The following HELZ variants were observed in gnomAD, a reference collection of about 807,000 sequenced individuals.
HELZ encodes the protein ATP-dependent RNA helicase with zinc finger domain.
HELZ carries 23 observed loss-of-function variants against 218.2 expected under a neutral mutation model. The observed-to-expected ratio is 0.11, with a 90% confidence interval of 0.08 to 0.15. The LOEUF is 0.15. HELZ is among the 10% of genes least tolerant of loss of function. The probability of loss-of-function intolerance (pLI) is 1.00; values close to 1 mark genes in which losing one functional copy is unlikely to be tolerated. For missense variants in HELZ, 1,813 were observed against 2,353.7 expected, an observed-to-expected ratio of 0.77 and a Z score of 4.75; for synonymous variants, 814 against 829.4, an observed-to-expected ratio of 0.98 and a Z score of 0.32.
intron 24 of HELZ, 94 bp from the exon 25 acceptor site, chr17:67,124,108 C>T (rs908399611): frequency 3.5e-5 from 27 of 776,552 alleles, no homozygotes; most frequent in Middle Eastern, 3.7e-4. Context: ...TTAATGTACA[C>T]ATCAATAATT....
In HELZ at chr17:67,194,059, A is replaced by G. The variant is rs2039964770; in HGVS notation, c.482-17T>C. The stretch of plus-strand genomic sequence containing the variant: ...TACAAGACCCTAGGGAGTAATTAGG[A>G]TATAGTCTTATCATTTGAGGCTAGC... On this transcript the variant is annotated splice_polypyrimidine_tract_variant and intron_variant, in intron 8 of 32. Transcript: ENST00000358691. 2 of 1,568,288 alleles carry G rather than the reference A, an allele frequency of 1.3e-6. No individual in the cohort carries two copies. Among genetic ancestry groups the G allele is most frequent in the East Asian group, 4.5e-5 (2 of 44,624 alleles).
chr17:67,130,747 T>C (rs1033114672), intron 23 of HELZ, among the ~76,000 whole-genome samples: 2 of 152,242 alleles, frequency 1.3e-5, no homozygotes, highest in African/African-American at 4.8e-5. Flanking sequence ...TATTACATAC[T>C]ACATTCAAAA....
intron 12 of HELZ, chr17:67,179,639 A>G (rs1434748652): frequency 6.6e-6 from 1 of 152,246 alleles, no homozygotes; most frequent in Non-Finnish European, 1.5e-5. Context: ...GATGAAATCC[A>G]TAGTAACATA....
intron 13 of HELZ, among the ~76,000 whole-genome samples, chr17:67,173,569 T>C (rs1399146381): frequency 6.6e-6 from 1 of 152,204 alleles, no homozygotes; most frequent in African/African-American, 2.4e-5. Flanking sequence ...CAAACCTATA[T>C]AGGGTTTTCA....
intron 28 of HELZ, among the ~76,000 whole-genome samples, chr17:67,110,477 T>C (rs2037247704): frequency 6.6e-6 from 1 of 152,216 alleles, no homozygotes; most frequent in Admixed American, 6.5e-5. Context: ...AAGTACTATA[T>C]CACCTTTGTA....
At chr17:67,100,489 T>G (rs2036891143) in intron 31 of HELZ, among the ~76,000 whole-genome samples, 1 of 152,112 alleles carries the variant, frequency 6.6e-6, no homozygotes, top group South Asian at 2.1e-4. Flanking sequence ...CTCCGAGACT[T>G]TTACAAAGAT....
chr17:67,193,634 T>C (rs960805307), intron 9 of HELZ, among the ~76,000 whole-genome samples: 4 of 152,128 alleles, frequency 2.6e-5, no homozygotes, highest in Non-Finnish European at 5.9e-5. Flanking sequence ...GAGAATCACT[T>C]AAAGCCGGGA....
intron 31 of HELZ, among the ~76,000 whole-genome samples, 170 bp from the exon 32 acceptor site, chr17:67,087,251 G>A (rs1304087261): frequency 6.6e-6 from 1 of 152,176 alleles, no homozygotes; most frequent in Non-Finnish European, 1.5e-5. Context: ...AAAGGGCGGG[G>A]AAGGGTACAG....
intron 17 of HELZ, among the ~76,000 whole-genome samples, chr17:67,155,747 G>T (rs1438976708): frequency 6.6e-6 from 1 of 151,640 alleles, no homozygotes; most frequent in Admixed American, 6.6e-5. Context: ...TGAGGCAGGA[G>T]AATCGCTTGA....
chr17:67,132,246 G>GTGTGTGTGTGTGTGTA (rs369179550), intron 23 of HELZ, among the ~76,000 whole-genome samples: 62 of 151,324 alleles, frequency 4.1e-4, no homozygotes, highest in African/African-American at 1.5e-3. Flanking sequence ...GTGTGTGTGT[G>GTGTGTGTGTGTGTGTA]TACACAAATA....
In HELZ at chr17:67,078,017, A is replaced by T. The variant is rs1210411333; in HGVS notation, c.*235T>A. 2 of 346,592 alleles carry T rather than the reference A, an allele frequency of 5.8e-6. No individual in the cohort carries two copies. The highest frequency in any genetic ancestry group is 4.3e-5 in the African/African-American group (2 of 46,688). 21.5% of individuals were successfully genotyped at this position (346,592 alleles called of 1,614,324 possible). A position where few individuals can be genotyped will look rare whatever the true frequency, so the allele number is the denominator to read the frequency against. On this transcript the variant is annotated 3_prime_UTR_variant, in exon 33 of 33. Coordinates refer to ENST00000358691, the MANE Select transcript of HELZ (RefSeq NM_014877.4). Reference sequence around the variant, plus strand: ...ACATATGTAACAATACACAAATTTAAAAATTTTTTTATTCTACATAAAAGC... The same window carrying T: ...ACATATGTAACAATACACAAATTTATAAATTTTTTTATTCTACATAAAAGC...
chr17:67,236,540 A>ACT (rs143413586), intron 3 of HELZ, among the ~76,000 whole-genome samples: 35 of 152,368 alleles, frequency 2.3e-4, no homozygotes, highest in African/African-American at 6.5e-4. Context: ...AGACTTAGGT[A>ACT]AATTGTAGCA....
chr17:67,142,835 C>G (rs1004730288), intron 21 of HELZ, among the ~76,000 whole-genome samples: 1 of 152,144 alleles, frequency 6.6e-6, no homozygotes, highest in Admixed American at 6.5e-5. Flanking sequence ...CAGCTCACTG[C>G]AACCTCCCCC....
intron 5 of HELZ, among the ~76,000 whole-genome samples, chr17:67,209,033 A>AGAGAGGGAGGGAGGG (rs1555623978): frequency 8.9e-6 from 1 of 112,486 alleles, no homozygotes; most frequent in African/African-American, 3.8e-5. Context: ...GGAAGGGAGG[A>AGAGAGGGAGGGAGGG]AGGGAGGGAG....
chr17:67,143,914 T>A (rs866442790), intron 21 of HELZ, among the ~76,000 whole-genome samples: 3 of 152,234 alleles, frequency 2.0e-5, no homozygotes, highest in Middle Eastern at 3.2e-3. Flanking sequence ...CTTGAACTTA[T>A]AATTCCAAAC....
chr17:67,233,316 G>C lies in HELZ; in HGVS notation c.-19+6117C>G, dbSNP rs534913930. Among the ~76,000 whole-genome samples, 7 of 152,264 alleles carry C rather than the reference G, an allele frequency of 4.6e-5. 1 individual carries two copies. The East Asian group carries it at 5.8e-4, about 13-fold the overall frequency. On this transcript the variant is annotated intron_variant, in intron 3 of 32. Coordinates refer to ENST00000358691, the MANE Select transcript of HELZ (RefSeq NM_014877.4). Reference sequence around the variant, plus strand: ...TGCAGTGAGCTGAGATCGCACCACTGCACTCCAGGCTGGGTGACAGAGCAA... The same window carrying C: ...TGCAGTGAGCTGAGATCGCACCACTCCACTCCAGGCTGGGTGACAGAGCAA...
In HELZ at chr17:67,208,478, C is replaced by T. The variant is rs188214104; in HGVS notation, c.248-5035G>A. On this transcript the variant is annotated intron_variant, in intron 5 of 32. Coordinates refer to ENST00000358691, the MANE Select transcript of HELZ (RefSeq NM_014877.4). The stretch of plus-strand genomic sequence containing the variant: ...ACTGGGGGAAAGTAGGTGAAGGGTA[C>T]GTGGGACCTCTCTGTATTATCTTTG... Among the ~76,000 whole-genome samples the T allele has an allele frequency of 1.8e-4, 28 of 152,134 alleles. 1 individual carries two copies. The East Asian group carries it at 4.1e-3, about 22-fold the overall frequency.
At chr17:67,155,940 T>C (rs1045454456) in intron 17 of HELZ, among the ~76,000 whole-genome samples, 1 of 149,976 alleles carries the variant, frequency 6.7e-6, no homozygotes, top group African/African-American at 2.4e-5. Context: ...GTATATATTA[T>C]ACATATATAC....
intron 1 of HELZ, among the ~76,000 whole-genome samples, chr17:67,244,343 C>A (rs2041408514): frequency 6.6e-6 from 1 of 152,102 alleles, no homozygotes; most frequent in South Asian, 2.1e-4. Flanking sequence ...GGATCCCGAT[C>A]CAAGAACAAT....
Sources: gnomAD v4.1 joint callset for allele counts (sites outside exome capture counted in the v4.1 genomes callset) on GRCh38, gnomAD v4.1.1 for gene constraint, MANE v1.5 for transcripts, NCBI Gene and HGNC (gene_info 2026-07-23, HGNC 2026-07-21) for gene names.